The following THRAP3 variants were observed in gnomAD, a reference collection of about 807,000 sequenced individuals.
THRAP3 encodes the protein thyroid hormone receptor-associated protein 3.
THRAP3 carries 16 observed loss-of-function variants against 101.0 expected under a neutral mutation model. The observed-to-expected ratio is 0.16, with a 90% CI of 0.11 to 0.24. The LOEUF (loss-of-function observed/expected upper bound fraction) is 0.24. Ranked by LOEUF, THRAP3 falls within the 10% of genes least tolerant of loss-of-function variation. The pLI is 1.00. For synonymous variants in THRAP3, 407 were observed against 422.6 expected (o/e 0.96, Z 0.45); for missense variants, 989 against 1,202.7 (o/e 0.82, Z 2.63).
At chr1:36,250,479 T>G (rs1459873063) in intron 1 of THRAP3, among the ~76,000 whole-genome samples, 1 of 152,130 alleles carries the variant, frequency 6.6e-6, no homozygotes, top group Non-Finnish European at 1.5e-5. Context: ...CCCAAAGTTC[T>G]GGGATTACAG....
At chr1:36,265,437 G>A (rs1307913146) in intron 2 of THRAP3, among the ~76,000 whole-genome samples, 2 of 145,488 alleles carry the variant, frequency 1.4e-5, no homozygotes, top group South Asian at 4.3e-4. Flanking sequence ...TCTACTTACA[G>A]TTAGGTGTAC....
rs1644936108 is a variant in THRAP3, at chr1:36,224,512, G to A, written c.-135+7G>A. The A allele has an allele frequency of 6.6e-6, 1 of 152,552 alleles. No homozygotes were observed. The highest frequency in any genetic ancestry group is 2.4e-5 in the African/African-American group (1 of 41,468). The allele number at this position is 152,552 out of a possible 1,614,324, so 9.4% of individuals were successfully genotyped here. On this transcript the variant is annotated splice_region_variant and intron_variant, in intron 1 of 11. Coordinates refer to ENST00000354618, the MANE Select transcript of THRAP3 (RefSeq NM_005119.4). ...ATCTCTGTGGTAGGCCCAGGTGAGT[G>A]AGCGCCTCTGATGGAAGTTAGGGCA...
chr1:36,292,533 G>C (rs1557453876), intron 6 of THRAP3, 65 bp from the exon 7 acceptor site: 1 of 1,293,788 alleles, frequency 7.7e-7, no homozygotes, highest in Non-Finnish European at 1.1e-6. Context: ...GCCTCCGAAA[G>C]TGGTGGGATT....
At chr1:36,213,997 GGAAAGAAAGAAA>G in the THRAP3 span, among the ~76,000 whole-genome samples, 9,940 of 80,276 alleles carry the variant, frequency 0.12, 896 homozygotes, top group Admixed American at 0.17. Context: ...AAGAAAGAAA[GGAAAGAAAGAAA>G]GAAAGAAAGA....
chr1:36,289,692 A>G lies in THRAP3; in HGVS notation c.1673A>G (p.Lys558Arg), dbSNP rs996173051. The G allele has an allele frequency of 6.2e-7, 1 of 1,614,014 alleles. No homozygotes were observed. Among genetic ancestry groups the G allele is most frequent in the Non-Finnish European group, 8.5e-7 (1 of 1,180,020 alleles). The stretch of plus-strand genomic sequence containing the variant: ...GCGAAAGGAGATTTTCCCACAGGAA[A>G]GTCTTCCTTTTCCATTACTCGAGAG... ...LGAKGDFPTGKSSFSITREAQ... is the reference protein window; with the variant it reads ...LGAKGDFPTGRSSFSITREAQ... The change falls in exon 5 of 12, where the codon AAG becomes AGG. Residue 558 changes from lysine (K) to arginine (R), a missense_variant. Physicochemically the swap from Lys to Arg is conservative, Grantham distance 26. Transcript: ENST00000354618.
intron 1 of THRAP3, among the ~76,000 whole-genome samples, chr1:36,237,035 G>A (rs1350473898): frequency 1.3e-5 from 2 of 152,144 alleles, no homozygotes; most frequent in African/African-American, 4.8e-5. Context: ...AATTAGCCAG[G>A]CGTGGTGGCG....
intron 1 of THRAP3, among the ~76,000 whole-genome samples, chr1:36,256,492 T>TG (rs1645377601): frequency 1.3e-5 from 2 of 152,112 alleles, no homozygotes; most frequent in South Asian, 4.1e-4. Flanking sequence ...CCCAAAGTGC[T>TG]GGGATTACAG....
intron 1 of THRAP3, among the ~76,000 whole-genome samples, chr1:36,226,143 A>G (rs1644959275): frequency 6.6e-6 from 1 of 152,224 alleles, no homozygotes; most frequent in African/African-American, 2.4e-5. Context: ...ATGGATTACA[A>G]AAAGAGTGAT....
At chr1:36,255,574 G>A (rs779479666) in intron 1 of THRAP3, among the ~76,000 whole-genome samples, 112 of 151,852 alleles carry the variant, frequency 7.4e-4, no homozygotes, top group Non-Finnish European at 1.5e-3. Flanking sequence ...CTTGAGACCA[G>A]CCTGGGTAAC....
intron 2 of THRAP3, among the ~76,000 whole-genome samples, chr1:36,271,748 C>T (rs891130537): frequency 6.6e-6 from 1 of 151,976 alleles, no homozygotes; most frequent in Non-Finnish European, 1.5e-5. Flanking sequence ...CGCATACCAC[C>T]ACACCCGGCT....
intron 1 of THRAP3, among the ~76,000 whole-genome samples, chr1:36,249,738 AGTG>A (rs1421792285): frequency 8.9e-6 from 1 of 112,924 alleles, no homozygotes; most frequent in African/African-American, 2.9e-5. Context: ...TTGAGACAGG[AGTG>A]GTGGTTTGGT....
At chr1:36,271,164 T>G (rs1224274092) in intron 2 of THRAP3, among the ~76,000 whole-genome samples, 1 of 152,254 alleles carries the variant, frequency 6.6e-6, no homozygotes, top group Non-Finnish European at 1.5e-5. Context: ...TATGTATGTC[T>G]GTAACTACAG....
intron 9 of THRAP3, among the ~76,000 whole-genome samples, chr1:36,298,146 CA>C (rs10653561): frequency 0.025 from 2,385 of 95,914 alleles, 44 homozygotes; most frequent in African/African-American, 0.08. Flanking sequence ...GACTTCATCT[CA>C]AAAAAAAAAA....
At chr1:36,269,671 A>G (rs1216679475) in intron 2 of THRAP3, among the ~76,000 whole-genome samples, 1 of 152,086 alleles carries the variant, frequency 6.6e-6, no homozygotes, top group Admixed American at 6.6e-5. Context: ...CCTGGGCCCA[A>G]GCCATCCTCT....
chr1:36,214,601 G>C, the THRAP3 span, among the ~76,000 whole-genome samples: 1 of 152,164 alleles, frequency 6.6e-6, no homozygotes, highest in East Asian at 1.9e-4. Context: ...GCTTATGCCT[G>C]TAATCCCAGC....
At chr1:36,257,302 G>C (rs1645388361) in intron 1 of THRAP3, among the ~76,000 whole-genome samples, 2 of 152,158 alleles carry the variant, frequency 1.3e-5, no homozygotes, top group Admixed American at 1.3e-4. Context: ...GCCCTCATCT[G>C]CTCACTAGAA....
rs869142351 is a variant in THRAP3 at position 36,270,577 on chromosome 1, GTT to G, written c.-32+11109_-32+11110del. Among the ~76,000 whole-genome samples, 2 of 34,634 alleles carry G rather than the reference GTT, an allele frequency of 5.8e-5. 1 individual carries two copies. The highest frequency in any genetic ancestry group is 1.2e-4 in the African/African-American group (2 of 16,932). The allele number at this position is 34,634 out of a possible 152,430, so 22.7% of individuals were successfully genotyped here. On this transcript the variant is annotated intron_variant, in intron 2 of 11. Transcript: ENST00000354618. ...TACAGTTCTATTTGTTTAGGTTTTTGTTTTTTTTTTTTTTTTTGAGACGGAGT... is the reference window on the plus strand; with the variant it reads ...TACAGTTCTATTTGTTTAGGTTTTTGTTTTTTTTTTTTTTTGAGACGGAGT...
chr1:36,209,559 T>A, the THRAP3 span, among the ~76,000 whole-genome samples: 1 of 152,172 alleles, frequency 6.6e-6, no homozygotes, highest in African/African-American at 2.4e-5. Flanking sequence ...TGGGAAACAC[T>A]GAATTAGACC....
chr1:36,290,074 C>T (rs151285978), intron 5 of THRAP3, among the ~76,000 whole-genome samples: 1 of 152,300 alleles, frequency 6.6e-6, no homozygotes, highest in African/African-American at 2.4e-5. Context: ...CCTGTGAAGC[C>T]ATCCTGGATC....
Sources: gnomAD v4.1 joint callset for allele counts (sites outside exome capture counted in the v4.1 genomes callset) on GRCh38, gnomAD v4.1.1 for gene constraint, MANE v1.5 for transcripts, NCBI Gene and HGNC (gene_info 2026-07-23, HGNC 2026-07-21) for gene names.